Variants in PLCL1 observed in about 807,000 individuals in gnomAD.
The protein encoded by PLCL1 is inactive phospholipase C-like protein 1.
A neutral mutation model predicts 84.4 loss-of-function variants in PLCL1; 41 were observed. The ratio of observed to expected loss-of-function variants is 0.49; its 90% CI spans 0.38 to 0.63. The LOEUF is 0.63. PLCL1 is among the 30% of genes least tolerant of loss of function. PLCL1 has a pLI of 0.00. For synonymous variants in PLCL1, 490 were observed against 488.3 expected, an observed-to-expected ratio of 1.00 and a Z score of -0.05; for missense variants, 1,206 against 1,367.8, an observed-to-expected ratio of 0.88 and a Z score of 1.87.
In PLCL1 at chr2:198,043,881, C is replaced by CTT. The variant is rs397800019; in HGVS notation, c.241-39860_241-39859dup. ...TACAAGTAGAGATTTAATTCTTGTT[C>CTT]TTTTTTTTTTTTTTTTTTAAATGAG... On this transcript the variant is annotated intron_variant, in intron 1 of 5. Transcript: ENST00000428675. Among the ~76,000 whole-genome samples the CTT allele has an allele frequency of 8.9e-3, 1,117 of 124,830 alleles. 14 individuals are homozygous for CTT. Among genetic ancestry groups the CTT allele is most frequent in the African/African-American group, 0.032 (1,064 of 33,356 alleles). The allele number at this position is 124,830 out of a possible 152,430, so 81.9% of individuals were successfully genotyped here.
At chr2:197,975,147 C>CAAAAA (rs71015804) in intron 1 of PLCL1, among the ~76,000 whole-genome samples, 1 of 19,910 alleles carries the variant, frequency 5.0e-5, no homozygotes, top group Non-Finnish European at 9.9e-5. Flanking sequence ...GACTCCATCT[C>CAAAAA]AAAAAAAAAA....
chr2:198,138,128 A>G (rs755797905), intron 5 of PLCL1, among the ~76,000 whole-genome samples: 2 of 152,186 alleles, frequency 1.3e-5, no homozygotes, highest in African/African-American at 4.8e-5. Flanking sequence ...ATACTGCTAT[A>G]AAGAACTACG....
At chr2:197,933,308 G>C in intron 1 of PLCL1, among the ~76,000 whole-genome samples, 1 of 141,436 alleles carries the variant, frequency 7.1e-6, no homozygotes, top group Non-Finnish European at 1.5e-5. Flanking sequence ...CTGTTGCCCA[G>C]GCTGGAGCGC....
chr2:198,006,329 G>T (rs1196056303), intron 1 of PLCL1, among the ~76,000 whole-genome samples: 2 of 152,060 alleles, frequency 1.3e-5, no homozygotes, highest in Admixed American at 1.3e-4. Flanking sequence ...CATACCTAAG[G>T]CTAAATTAAT....
At chr2:198,072,265 CT>C (rs1299393920) in intron 1 of PLCL1, among the ~76,000 whole-genome samples, 3 of 151,794 alleles carry the variant, frequency 2.0e-5, no homozygotes, top group African/African-American at 7.2e-5. Flanking sequence ...CCATTCACCC[CT>C]GCCATTATGT....
intron 1 of PLCL1, among the ~76,000 whole-genome samples, chr2:197,907,163 A>G (rs565229774): frequency 6.6e-6 from 1 of 152,338 alleles, no homozygotes; most frequent in Admixed American, 6.5e-5. Context: ...CTCCTATTCA[A>G]CATAGTATTG....
In PLCL1 at chr2:198,146,885, A is replaced by T; in HGVS notation, c.3211A>T (p.Ser1071Cys). ...TGGACTGAGTAAAGCCCCCAGCAGC[A>T]GTGCTGAGGCCAAGAGCAAGCGCAG... ...SCGLSKAPSS[S>C]AEAKSKRSLE... is the part of the protein sequence containing the mutation. The change falls in exon 6 of 6, where the codon AGT becomes TGT. Residue 1071 changes from serine to cysteine, a missense_variant. Transcript: ENST00000428675. The T allele has an allele frequency of 6.2e-7, 1 of 1,613,520 alleles. No homozygotes were observed. Among genetic ancestry groups the T allele is most frequent in the Non-Finnish European group, 8.5e-7 (1 of 1,179,612 alleles).
chr2:198,093,490 C>T (rs1220780624), intron 3 of PLCL1, among the ~76,000 whole-genome samples: 1 of 152,148 alleles, frequency 6.6e-6, no homozygotes, highest in Non-Finnish European at 1.5e-5. Flanking sequence ...CAACCTACCA[C>T]AGACTATTAA....
chr2:197,889,872 T>C (rs1687983707), intron 1 of PLCL1, among the ~76,000 whole-genome samples: 1 of 152,186 alleles, frequency 6.6e-6, no homozygotes, highest in Admixed American at 6.5e-5. Flanking sequence ...AAAATATTAA[T>C]TGAAATGAAA....
At chr2:197,885,331 G>A (rs1415141090) in intron 1 of PLCL1, among the ~76,000 whole-genome samples, 1 of 152,210 alleles carries the variant, frequency 6.6e-6, no homozygotes, top group African/African-American at 2.4e-5. Context: ...AAGGCTGAGA[G>A]CCAGAGGAAC....
chr2:197,972,575 A>G (rs1450553195), intron 1 of PLCL1, among the ~76,000 whole-genome samples: 1 of 152,178 alleles, frequency 6.6e-6, no homozygotes, highest in Non-Finnish European at 1.5e-5. Context: ...AAAATGTACA[A>G]AATATAAGGT....
intron 3 of PLCL1, among the ~76,000 whole-genome samples, chr2:198,096,610 C>T (rs1373138885): frequency 6.6e-6 from 1 of 152,120 alleles, no homozygotes; most frequent in African/African-American, 2.4e-5. Flanking sequence ...GACTTCTGTG[C>T]TACCTTATTT....
intron 1 of PLCL1, among the ~76,000 whole-genome samples, chr2:198,006,671 G>C (rs971203099): frequency 3.9e-5 from 6 of 152,146 alleles, no homozygotes; most frequent in African/African-American, 1.2e-4. Context: ...TCCTGGAGAG[G>C]CTGCTGATAT....
At chr2:197,934,211 C>T (rs749856810) in intron 1 of PLCL1, among the ~76,000 whole-genome samples, 1 of 151,968 alleles carries the variant, frequency 6.6e-6, no homozygotes, top group Admixed American at 6.6e-5. Flanking sequence ...TGTTAGGTAC[C>T]TTCTAGGTTG....
chr2:198,024,066 C>T (rs1691204882), intron 1 of PLCL1, among the ~76,000 whole-genome samples: 1 of 151,908 alleles, frequency 6.6e-6, no homozygotes, highest in East Asian at 1.9e-4. Context: ...ACTATGCAGC[C>T]ATAAAAAAAG....
intron 1 of PLCL1, among the ~76,000 whole-genome samples, chr2:197,863,145 C>A (rs1386576042): frequency 1.4e-5 from 2 of 146,474 alleles, no homozygotes; most frequent in Non-Finnish European, 1.5e-5. Context: ...TTTGCACTCT[C>A]TGGTCTTTTC....
At chr2:198,021,832 G>T (rs530712642) in intron 1 of PLCL1, among the ~76,000 whole-genome samples, 1 of 152,280 alleles carries the variant, frequency 6.6e-6, no homozygotes, top group East Asian at 1.9e-4. Flanking sequence ...ACAAGCTGGT[G>T]TCATTCCTTC....
chr2:197,998,228 G>T (rs1690516403), intron 1 of PLCL1, among the ~76,000 whole-genome samples: 1 of 143,856 alleles, frequency 7.0e-6, no homozygotes, highest in African/African-American at 2.5e-5. Context: ...ATATGAGATT[G>T]CTTGTGCGCC....
chr2:197,850,382 T>C (rs1469105691), intron 1 of PLCL1, among the ~76,000 whole-genome samples: 3 of 152,178 alleles, frequency 2.0e-5, no homozygotes, highest in African/African-American at 7.2e-5. Context: ...TTTTTGTCAA[T>C]TATTTGAGAA....
Sources: gnomAD v4.1 joint callset for allele counts (sites outside exome capture counted in the v4.1 genomes callset) on GRCh38, gnomAD v4.1.1 for gene constraint, MANE v1.5 for transcripts, NCBI Gene and HGNC (gene_info 2026-07-23, HGNC 2026-07-21) for gene names.